The following GRIA2 variants were observed in gnomAD, a reference collection of about 807,000 sequenced individuals.
The protein encoded by GRIA2 is glutamate receptor 2.
GRIA2 carries 14 observed loss-of-function variants against 97.3 expected under a neutral mutation model. The observed-to-expected ratio is 0.14, with a 90% CI of 0.10 to 0.23. GRIA2 has a LOEUF of 0.23. Among genes scored for constraint, GRIA2 ranks in the 10% least tolerant of loss-of-function variants. GRIA2 has a pLI of 1.00. For synonymous variants in GRIA2, 412 were observed against 387.8 expected, an observed-to-expected ratio of 1.06 and a Z score of -0.73; for missense variants, 558 against 1,069.8, an observed-to-expected ratio of 0.52 and a Z score of 6.67.
rs140743357 is a variant in GRIA2 at position 157,352,242 on chromosome 4, A to G, written c.2044-7654A>G. ...TATGCTTTAGTGTATATACACATCT[A>G]TTGAAAATTTGGATATCCAGGTGTT... On this transcript the variant is annotated intron_variant, in intron 12 of 15. Coordinates refer to ENST00000264426, the MANE Select transcript of GRIA2 (RefSeq NM_001083619.3). 3.2e-3 allele frequency among the ~76,000 whole-genome samples: 493 copies of G among 152,278 alleles called. 2 individuals carry two copies. The highest frequency in any genetic ancestry group is 3.5e-3 in the Non-Finnish European group (240 of 68,018).
At chr4:157,244,747 A>C (rs1024110251) in intron 2 of GRIA2, among the ~76,000 whole-genome samples, 13 of 151,968 alleles carry the variant, frequency 8.6e-5, no homozygotes, top group Non-Finnish European at 1.8e-4. Context: ...GTTGGCTTTG[A>C]CTTCCTACCT....
At chr4:157,357,599 AAT>A (rs1736448383) in intron 12 of GRIA2, among the ~76,000 whole-genome samples, 1 of 152,120 alleles carries the variant, frequency 6.6e-6, no homozygotes, top group Non-Finnish European at 1.5e-5. Context: ...TCCTCATAAG[AAT>A]ATGTCATATA....
Position 157,364,388 on chromosome 4 carries a change from C to T in GRIA2, c.*957C>T, listed in dbSNP as rs1579397415. ...TGTTAGGTGCCCAGAGAAAATTTCT[C>T]CCTTTTAAAAAGGCCAGGTGATTTT... is the stretch of plus-strand genomic sequence containing the variant. On this transcript the variant is annotated 3_prime_UTR_variant, in exon 16 of 16. Coordinates refer to ENST00000264426, the MANE Select transcript of GRIA2 (RefSeq NM_001083619.3). 6.6e-6 allele frequency: 1 copy of T among 152,140 alleles called. No individual in the cohort carries two copies. The highest frequency in any genetic ancestry group is 1.5e-5 in the Non-Finnish European group (1 of 67,902). The allele number at this position is 152,140 out of a possible 1,614,324, so 9.4% of individuals were successfully genotyped here.
Position 157,221,530 on chromosome 4 carries a change from T to C in GRIA2, c.89-137T>C. ...GCTTTTGGATATTCCACCCCCGCTGTCCGAGTCCGTAGGTGTGTTTATTCG... is the reference window on the plus strand; with the variant it reads ...GCTTTTGGATATTCCACCCCCGCTGCCCGAGTCCGTAGGTGTGTTTATTCG... On this transcript the variant is annotated intron_variant, in intron 1 of 15. Transcript: ENST00000264426. 5.8e-6 allele frequency: 5 copies of C among 868,944 alleles called. No homozygotes were observed. In the Middle Eastern group the frequency reaches 1.7e-3, roughly 301 times the overall value. The allele number at this position is 868,944 out of a possible 1,614,324, so 53.8% of individuals were successfully genotyped here. A position where few individuals can be genotyped will look rare whatever the true frequency, so the allele number is the denominator to read the frequency against.
intron 6 of GRIA2, among the ~76,000 whole-genome samples, chr4:157,322,447 A>G (rs1734619999): frequency 6.6e-6 from 1 of 152,238 alleles, no homozygotes; most frequent in Non-Finnish European, 1.5e-5. Context: ...TAAGAGCTAC[A>G]CAGACTGATC....
In GRIA2 at chr4:157,334,017, A is replaced by C; in HGVS notation, c.1163A>C (p.Tyr388Ser). The change falls in exon 9 of 16, where the codon TAC becomes TCC. Residue 388 changes from tyrosine to serine, a missense_variant. Tyr to Ser is a moderately radical substitution (Grantham distance 144). This residue lies in a region of GRIA2 where 66 missense variants were observed against 118.7 expected (regional missense o/e 0.56). Transcript: ENST00000264426. The part of the protein sequence containing the change: ...LKTNGPRKIG[Y>S]WSEVDKMVVT... ...TGCTGTAACCTTTTCCAGATTGGCT[A>C]CTGGAGTGAAGTGGACAAAATGGTT... is the stretch of plus-strand genomic sequence containing the variant. 1 of 1,555,248 alleles carries C rather than the reference A, an allele frequency of 6.4e-7. No individual in the cohort carries two copies. The highest frequency in any genetic ancestry group is 8.9e-7 in the Non-Finnish European group (1 of 1,126,896).
Position 157,361,271 on chromosome 4 carries a change from T to C in GRIA2, c.2406+147T>C. ...ATGACCAGGACACTTGACTTCTTCT[T>C]TCTTTCTTCCTCTACTTCTCTTTCC... On this transcript the variant is annotated intron_variant, in intron 14 of 15. Transcript: ENST00000264426. The surrounding 1 kb of genome is among the most constrained non-coding windows in gnomAD (Gnocchi z 5.2). The C allele has an allele frequency of 3.0e-6, 2 of 674,954 alleles. No individual in the cohort carries two copies. Among genetic ancestry groups the C allele is most frequent in the Non-Finnish European group, 5.1e-6 (2 of 391,528 alleles). The allele number at this position is 674,954 out of a possible 1,614,324, so 41.8% of individuals were successfully genotyped here. A position where few individuals can be genotyped will look rare whatever the true frequency, so the allele number is the denominator to read the frequency against.
In GRIA2 at chr4:157,312,798, C is replaced by A; in HGVS notation, c.589C>A (p.Gln197Lys). The A allele has an allele frequency of 6.2e-7, 1 of 1,609,884 alleles. No individual in the cohort carries two copies. The highest frequency in any genetic ancestry group is 8.5e-7 in the Non-Finnish European group (1 of 1,176,908). ...KKDEMYRSLF[Q>K]DLELKKERRV... Reference sequence around the variant, plus strand: ...AGATGAGATGTACCGATCACTTTTTCAAGATCTGGAGTTAAAAAAGGAACG... The same window carrying A: ...AGATGAGATGTACCGATCACTTTTTAAAGATCTGGAGTTAAAAAAGGAACG... Residue 197 changes from glutamine (Q) to lysine (K), a missense_variant, in exon 4 of 16, where the codon CAA (glutamine) becomes AAA (lysine). Around this residue, in one of 8 missense-constraint regions of GRIA2, gnomAD observed 173 missense variants for 209.1 expected, o/e 0.83. Transcript: ENST00000264426.
chr4:157,307,176 T>G (rs1217267709), intron 3 of GRIA2, among the ~76,000 whole-genome samples: 1 of 152,208 alleles, frequency 6.6e-6, no homozygotes, highest in Non-Finnish European at 1.5e-5. Flanking sequence ...TCTCCCAACA[T>G]TCTGCCCTAA....
intron 11 of GRIA2, 41 bp from the exon 12 acceptor site, chr4:157,341,223 A>T (rs1487258635): frequency 1.5e-6 from 2 of 1,331,850 alleles, no homozygotes; most frequent in Admixed American, 1.7e-5. Flanking sequence ...TTATTAGGTC[A>T]TTCATTTCAC....
At chr4:157,352,500 G>A (rs547844447) in intron 12 of GRIA2, among the ~76,000 whole-genome samples, 15 of 151,632 alleles carry the variant, frequency 9.9e-5, no homozygotes, top group Admixed American at 7.2e-4. Context: ...GGTGGATCAC[G>A]AGGTCAGGAG....
chr4:157,349,339 G>T lies in GRIA2; in HGVS notation c.2043+7877G>T, dbSNP rs191539509. Among the ~76,000 whole-genome samples the T allele has an allele frequency of 5.6e-4, 85 of 151,626 alleles. 1 individual carries two copies. In the East Asian group the frequency reaches 0.013, roughly 23 times the overall value. Reference sequence around the variant, plus strand: ...TTTATGTTACTTCCTGCGTTCCAGGGTTTTTGTACATTTCCTTATTTTGAA... The same window carrying T: ...TTTATGTTACTTCCTGCGTTCCAGGTTTTTTGTACATTTCCTTATTTTGAA... On this transcript the variant is annotated intron_variant, in intron 12 of 15. Transcript: ENST00000264426.
chr4:157,339,956 T>C (rs909183504), intron 11 of GRIA2, among the ~76,000 whole-genome samples: 1 of 151,922 alleles, frequency 6.6e-6, no homozygotes, highest in African/African-American at 2.4e-5. Context: ...TCATACAGAC[T>C]TTGTGATAAA....
At chr4:157,293,303 A>G (rs1474770955) in intron 2 of GRIA2, among the ~76,000 whole-genome samples, 1 of 152,146 alleles carries the variant, frequency 6.6e-6, no homozygotes, top group Non-Finnish European at 1.5e-5. Flanking sequence ...CAATCTAAAT[A>G]TCTTTCAATT....
chr4:157,309,465 C>T (rs1733982263), intron 3 of GRIA2, among the ~76,000 whole-genome samples: 1 of 151,406 alleles, frequency 6.6e-6, no homozygotes, highest in South Asian at 2.1e-4. Context: ...AATTCTCCTG[C>T]CTCAGTCTTC....
chr4:157,268,653 A>G (rs961726383), intron 2 of GRIA2, among the ~76,000 whole-genome samples: 4 of 152,020 alleles, frequency 2.6e-5, no homozygotes, highest in African/African-American at 9.7e-5. Flanking sequence ...ACTCCAAAAA[A>G]TTCCTTTTCT....
chr4:157,269,002 A>T (rs1235540609), intron 2 of GRIA2, among the ~76,000 whole-genome samples: 2 of 152,142 alleles, frequency 1.3e-5, no homozygotes, highest in African/African-American at 4.8e-5. Flanking sequence ...ACACACATGC[A>T]TACATAGAAA....
intron 2 of GRIA2, among the ~76,000 whole-genome samples, chr4:157,240,789 A>G (rs925914049): frequency 2.0e-5 from 3 of 151,600 alleles, no homozygotes; most frequent in African/African-American, 7.3e-5. Flanking sequence ...TACATGTGCC[A>G]TGCTGGTGCG....
chr4:157,326,306 C>A (rs1437330856), intron 6 of GRIA2, among the ~76,000 whole-genome samples: 2 of 152,112 alleles, frequency 1.3e-5, no homozygotes, highest in Non-Finnish European at 2.9e-5. Context: ...TGTGCATCAC[C>A]CTTCCCTGAT....
Sources: gnomAD v4.1 joint callset for allele counts (sites outside exome capture counted in the v4.1 genomes callset) on GRCh38, gnomAD v4.1.1 for gene constraint, gnomAD v4.1.1 regional missense constraint, Gnocchi (gnomAD v3.1) non-coding constraint, MANE v1.5 for transcripts, NCBI Gene and HGNC (gene_info 2026-07-23, HGNC 2026-07-21) for gene names.